ARID1B: variants seen among roughly 807,000 people sequenced by gnomAD.
ARID1B encodes the protein AT-rich interaction domain 1B.
A neutral mutation model predicts 212.3 loss-of-function variants in ARID1B; 30 were observed. That is an observed-to-expected ratio of 0.14 (90% CI 0.11 to 0.19). The LOEUF (loss-of-function observed/expected upper bound fraction) is 0.19. ARID1B is among the 10% of genes least tolerant of loss of function. The probability of loss-of-function intolerance (pLI) is 1.00; values close to 1 mark genes in which losing one functional copy is unlikely to be tolerated. For missense variants in ARID1B, 2,891 were observed against 3,204.0 expected, an observed-to-expected ratio of 0.90 and a Z score of 2.36; for synonymous variants, 1,402 against 1,301.7, an observed-to-expected ratio of 1.08 and a Z score of -1.66.
intron 4 of ARID1B, among the ~76,000 whole-genome samples, chr6:157,082,548 G>C (rs1784705321): frequency 6.6e-6 from 1 of 152,032 alleles, no homozygotes; most frequent in Non-Finnish European, 1.5e-5. Context: ...TTTTATTTTG[G>C]ATTTTTTCTG....
chr6:156,836,178 T>C (rs1284348641), intron 2 of ARID1B, among the ~76,000 whole-genome samples: 2 of 152,126 alleles, frequency 1.3e-5, no homozygotes, highest in African/African-American at 4.8e-5. Flanking sequence ...ACAAGATAAA[T>C]GGAAAGTTAA....
Position 157,206,070 on chromosome 6 carries a change from G to T in ARID1B, c.5395-97G>T. ...ACAAACGTGTGACAATGATGGAAAG[G>T]TATTGACGGGTCTCAGGATCTTTAC... On this transcript the variant is annotated intron_variant, in intron 19 of 19. Transcript: ENST00000636930. The surrounding 1 kb of genome is among the most constrained non-coding windows in gnomAD (Gnocchi z 6.8). The T allele has an allele frequency of 7.7e-7, 1 of 1,294,332 alleles. No individual in the cohort carries two copies. The highest frequency in any genetic ancestry group is 1.1e-6 in the Non-Finnish European group (1 of 928,726). 80.2% of individuals were successfully genotyped at this position (1,294,332 alleles called of 1,614,324 possible). A position where few individuals can be genotyped will look rare whatever the true frequency, so the allele number is the denominator to read the frequency against.
intron 7 of ARID1B, among the ~76,000 whole-genome samples, chr6:157,134,568 TAAGCGTTAGG>T (rs1211020449): frequency 2.6e-5 from 4 of 152,210 alleles, no homozygotes; most frequent in Non-Finnish European, 5.9e-5. Flanking sequence ...GTAATTCCAG[TAAGCGTTAGG>T]AATTTCAGTC....
At chr6:157,116,606 G>T (rs746301760) in intron 6 of ARID1B, among the ~76,000 whole-genome samples, 1 of 151,088 alleles carries the variant, frequency 6.6e-6, no homozygotes, top group Non-Finnish European at 1.5e-5. Context: ...TTCCCCTTTC[G>T]GACACAGATG....
At chr6:157,020,474 A>G (rs924381436) in intron 4 of ARID1B, among the ~76,000 whole-genome samples, 1 of 152,212 alleles carries the variant, frequency 6.6e-6, no homozygotes, top group Non-Finnish European at 1.5e-5. Flanking sequence ...ATTTTTTTTA[A>G]TTAACCCAAA....
chr6:156,976,761 C>A, intron 4 of ARID1B: 1 of 526,816 alleles, frequency 1.9e-6, no homozygotes, highest in East Asian at 4.9e-5. Flanking sequence ...CAGCTTCATT[C>A]ATCAAAGTTA....
rs564704870 is a variant in ARID1B, at chr6:156,919,928, A to G, written c.2137-15538A>G. On this transcript the variant is annotated intron_variant, in intron 3 of 19. Coordinates refer to ENST00000636930, the MANE Select transcript of ARID1B (RefSeq NM_001374828.1). ...TTAGTCTAAAGAGCAATTAAGCTTCACCTCCTTCTCTGATCCTAACACTGC... is the reference window on the plus strand; with the variant it reads ...TTAGTCTAAAGAGCAATTAAGCTTCGCCTCCTTCTCTGATCCTAACACTGC... Among the ~76,000 whole-genome samples, 36 of 152,316 alleles carry G rather than the reference A, an allele frequency of 2.4e-4. 1 individual carries two copies. The South Asian group carries it at 5.2e-3, about 22-fold the overall frequency.
chr6:156,966,826 G>A (rs1375202062), intron 4 of ARID1B, among the ~76,000 whole-genome samples: 23 of 152,118 alleles, frequency 1.5e-4, no homozygotes, highest in Non-Finnish European at 2.9e-4. Context: ...TTAGCCTCTC[G>A]AGTTGCTGGG....
intron 4 of ARID1B, among the ~76,000 whole-genome samples, chr6:156,978,113 C>T (rs1325561222): frequency 6.6e-6 from 1 of 152,198 alleles, no homozygotes; most frequent in East Asian, 1.9e-4. Flanking sequence ...GGGAAGACTG[C>T]CAATACCAGG....
chr6:156,931,582 A>G (rs1304527422), intron 3 of ARID1B, among the ~76,000 whole-genome samples: 3 of 152,116 alleles, frequency 2.0e-5, no homozygotes, highest in African/African-American at 7.2e-5. Context: ...GATTTTCAGC[A>G]CTTTGGCAGG....
chr6:157,197,403 G>A (rs1583493755), intron 16 of ARID1B, among the ~76,000 whole-genome samples: 1 of 152,282 alleles, frequency 6.6e-6, no homozygotes, highest in East Asian at 1.9e-4. Flanking sequence ...TGGGTCAGTG[G>A]GAAAGCTTCC....
intron 19 of ARID1B, 71 bp downstream of exon 19, chr6:157,204,067 G>A (rs941628768): frequency 8.2e-6 from 13 of 1,583,698 alleles, no homozygotes; most frequent in Non-Finnish European, 1.0e-5. Flanking sequence ...ATTTGTGCTT[G>A]AACTAATGCC....
rs2114984284 is a variant in ARID1B at position 156,778,744 on chromosome 6, C to T, written c.1064C>T (p.Ala355Val). 6.6e-7 allele frequency: 1 copy of T among 1,525,674 alleles called. No individual in the cohort carries two copies. The highest frequency in any genetic ancestry group is 8.8e-7 in the Non-Finnish European group (1 of 1,134,738). The allele number at this position is 1,525,674 out of a possible 1,614,324, so 94.5% of individuals were successfully genotyped here. A position where few individuals can be genotyped will look rare whatever the true frequency, so the allele number is the denominator to read the frequency against. Residue 355 changes from alanine (A) to valine (V), a missense_variant, in exon 1 of 20, where the codon GCC (alanine) becomes GTC (valine). Transcript: ENST00000636930. ...GGGATGATGCACTCCGCCTCCGCCG[C>T]CGCCGCCGGGGCCCCCGGCAGCATG... ...GMGMMHSASA[A>V]AAGAPGSMDP...
At chr6:156,979,854 C>T (rs1244172015) in intron 4 of ARID1B, among the ~76,000 whole-genome samples, 3 of 151,946 alleles carry the variant, frequency 2.0e-5, no homozygotes, top group Non-Finnish European at 4.4e-5. Context: ...CTGCACCTGG[C>T]CTGTTCCTTC....
intron 4 of ARID1B, among the ~76,000 whole-genome samples, chr6:157,073,803 A>T (rs140397736): frequency 5.3e-5 from 8 of 152,356 alleles, no homozygotes; most frequent in African/African-American, 1.4e-4. Flanking sequence ...CCTTTATCAC[A>T]GTAAGTATTT....
intron 4 of ARID1B, among the ~76,000 whole-genome samples, chr6:156,979,134 G>T (rs1405990073): frequency 2.6e-5 from 4 of 152,154 alleles, no homozygotes; most frequent in African/African-American, 9.7e-5. Flanking sequence ...TTGCAGTTCT[G>T]TTATTACTGT....
Position 156,927,523 on chromosome 6 carries a change from C to T in ARID1B, c.2137-7943C>T, listed in dbSNP as rs145190510. ...AATGTCTTGATCCCCACCCCACCCC[C>T]GCTTCTGGTGGCATTATTGATGCTC... On this transcript the variant is annotated intron_variant, in intron 3 of 19. Coordinates refer to ENST00000636930, the MANE Select transcript of ARID1B (RefSeq NM_001374828.1). Among the ~76,000 whole-genome samples the T allele has an allele frequency of 3.6e-4, 55 of 152,288 alleles. 1 individual carries two copies. The East Asian group carries it at 9.3e-3, about 26-fold the overall frequency.
intron 1 of ARID1B, among the ~76,000 whole-genome samples, chr6:156,798,959 A>G (rs1280923550): frequency 6.6e-6 from 1 of 152,172 alleles, no homozygotes; most frequent in Non-Finnish European, 1.5e-5. Context: ...CTCTGTGTGT[A>G]TAGGTTATTC....
At chr6:156,946,711 G>C (rs1209440380) in intron 4 of ARID1B, among the ~76,000 whole-genome samples, 1 of 152,068 alleles carries the variant, frequency 6.6e-6, no homozygotes, top group South Asian at 2.1e-4. Context: ...AGGGAGGGAG[G>C]GAAGGAGGAT....
Sources: allele counts gnomAD v4.1 joint callset (sites outside exome capture counted in the v4.1 genomes callset), GRCh38; gene constraint gnomAD v4.1.1; non-coding constraint Gnocchi (gnomAD v3.1); transcripts MANE v1.5; gene names NCBI Gene and HGNC (gene_info 2026-07-23, HGNC 2026-07-21).